QSOX2: variants seen among roughly 807,000 people sequenced by gnomAD.
The protein encoded by QSOX2 is sulfhydryl oxidase 2.
A neutral mutation model predicts 61.7 loss-of-function variants in QSOX2; 46 were observed. That is an observed-to-expected ratio of 0.75 (90% CI 0.59 to 0.95). The LOEUF is 0.95. Among genes scored for constraint, QSOX2 ranks in the 40% least tolerant of loss-of-function variants. QSOX2 has a pLI of 0.00. For missense variants in QSOX2, 879 were observed against 918.9 expected (o/e 0.96, Z 0.56); for synonymous variants, 383 against 388.4 (o/e 0.99, Z 0.16).
At chr9:136,224,930 C>T in intron 2 of QSOX2, 21 bp from the exon 3 acceptor site, 2 of 1,592,820 alleles carry the variant, frequency 1.3e-6, no homozygotes, top group Non-Finnish European at 1.7e-6. Flanking sequence ...AAACACAGAA[C>T]AAGTAAGAGG....
chr9:136,226,907 G>A (rs753481735), intron 1 of QSOX2, 33 bp from the exon 2 acceptor site: 3 of 1,584,722 alleles, frequency 1.9e-6, no homozygotes, highest in Admixed American at 3.3e-5. Flanking sequence ...TCAGTGTGGT[G>A]AGCACTGGAC....
chr9:136,233,456 G>A (rs186996276), intron 1 of QSOX2, among the ~76,000 whole-genome samples: 37 of 152,298 alleles, frequency 2.4e-4, no homozygotes, highest in African/African-American at 8.7e-4. Flanking sequence ...CTCTCAGGAC[G>A]GCCAACACGG....
chr9:136,218,924 C>A, intron 7 of QSOX2, 106 bp downstream of exon 7: 2 of 1,570,218 alleles, frequency 1.3e-6, no homozygotes, highest in Non-Finnish European at 1.7e-6. Context: ...TCCTGAGCGG[C>A]CCTCACTGGC....
intron 1 of QSOX2, among the ~76,000 whole-genome samples, chr9:136,229,514 T>A (rs1378241681): frequency 3.3e-5 from 5 of 151,958 alleles, no homozygotes; most frequent in Admixed American, 3.3e-4. Context: ...ACACTTTTTT[T>A]AAAAAAAAGC....
At position 136,211,259 on chromosome 9, in the gene QSOX2, C is replaced by CT; in HGVS notation, c.1549+4dup. The CT allele has an allele frequency of 3.1e-6, 5 of 1,613,612 alleles. No homozygotes were observed. The highest frequency in any genetic ancestry group is 4.2e-6 in the Non-Finnish European group (5 of 1,179,612). ...CTGAGCCCCCCATGCCCAGGGGCTTCTCACCTGCCAGGCGGCCGTTCACCA... is the reference window on the plus strand; with the variant it reads ...CTGAGCCCCCCATGCCCAGGGGCTTCTTCACCTGCCAGGCGGCCGTTCACCA... On this transcript the variant is annotated splice_donor_region_variant and intron_variant, in intron 11 of 11. Transcript: ENST00000358701.
chr9:136,210,664 T>A, intron 11 of QSOX2: 2 of 985,448 alleles, frequency 2.0e-6, no homozygotes, highest in Non-Finnish European at 2.4e-6. Context: ...GTAATATGTT[T>A]TTCTAACACA....
At chr9:136,214,376 G>A (rs1394807886) in intron 10 of QSOX2, among the ~76,000 whole-genome samples, 4 of 152,214 alleles carry the variant, frequency 2.6e-5, no homozygotes, top group African/African-American at 9.6e-5. Context: ...CGAGTGGCCT[G>A]GGCCTGGGGA....
intron 1 of QSOX2, among the ~76,000 whole-genome samples, chr9:136,236,575 C>T (rs1457968093): frequency 4.0e-5 from 6 of 148,540 alleles, no homozygotes; most frequent in African/African-American, 1.5e-4. Flanking sequence ...ACCCAGCGTG[C>T]GCCCCGAGAC....
At chr9:136,241,696 C>T (rs1271572589) in intron 1 of QSOX2, among the ~76,000 whole-genome samples, 1 of 152,258 alleles carries the variant, frequency 6.6e-6, no homozygotes, top group African/African-American at 2.4e-5. Context: ...TGAGCGCCCC[C>T]GCACTCCTGA....
intron 1 of QSOX2, among the ~76,000 whole-genome samples, chr9:136,236,661 T>C (rs1008624769): frequency 9.2e-5 from 14 of 152,196 alleles, no homozygotes; most frequent in Non-Finnish European, 1.9e-4. Context: ...GGAGTGCACA[T>C]CTGAAGCCCG....
chr9:136,208,560 A>T lies in QSOX2; in HGVS notation c.*168T>A. The T allele has an allele frequency of 1.4e-6, 1 of 713,452 alleles. No homozygotes were observed. Among genetic ancestry groups the T allele is most frequent in the Non-Finnish European group, 2.2e-6 (1 of 455,942 alleles). The allele number at this position is 713,452 out of a possible 1,614,324, so 44.2% of individuals were successfully genotyped here. A position where few individuals can be genotyped will look rare whatever the true frequency, so the allele number is the denominator to read the frequency against. On this transcript the variant is annotated 3_prime_UTR_variant, in exon 12 of 12. Coordinates refer to ENST00000358701, the MANE Select transcript of QSOX2 (RefSeq NM_181701.4). Reference sequence around the variant, plus strand: ...AATTACCCCGTGTTCTTCCCTTGTTAGAAGAGCGTTTGTAAAACCAGGACT... The same window carrying T: ...AATTACCCCGTGTTCTTCCCTTGTTTGAAGAGCGTTTGTAAAACCAGGACT...
intron 1 of QSOX2, among the ~76,000 whole-genome samples, chr9:136,244,967 A>G (rs1588643613): frequency 6.6e-6 from 1 of 152,296 alleles, no homozygotes; most frequent in East Asian, 1.9e-4. Flanking sequence ...CCAGAAAGTT[A>G]ATGATGAAGG....
At position 136,245,783 on chromosome 9, in the gene QSOX2, C is replaced by CGCCGCCCCG; in HGVS notation, c.12_20dup (p.Gly5_Ala7dup). On this transcript the variant is annotated inframe_insertion, in exon 1 of 12. Transcript: ENST00000358701. The stretch of plus-strand genomic sequence containing the variant: ...CTCCGATTCCCGGGCTGCGCGCCAC[C>CGCCGCCCCG]GCCGCCCCGGCCGCCGCCATGTTGG... The CGCCGCCCCG allele has an allele frequency of 8.6e-7, 1 of 1,157,170 alleles. No homozygotes were observed. The highest frequency in any genetic ancestry group is 1.6e-5 in the African/African-American group (1 of 61,802). 71.7% of individuals were successfully genotyped at this position (1,157,170 alleles called of 1,614,324 possible).
chr9:136,220,660 G>A (rs921449164), intron 6 of QSOX2, among the ~76,000 whole-genome samples: 11 of 152,132 alleles, frequency 7.2e-5, no homozygotes, highest in African/African-American at 2.2e-4. Context: ...GAGGAGGAGC[G>A]GGGCCCCTCC....
At chr9:136,228,318 A>G (rs78267024) in intron 1 of QSOX2, among the ~76,000 whole-genome samples, 3,519 of 152,286 alleles carry the variant, frequency 0.023, 84 homozygotes, top group South Asian at 0.11. Context: ...ACCTGCCCTC[A>G]CTGCAACCCA....
chr9:136,218,617 C>A, intron 8 of QSOX2, 62 bp downstream of exon 8: 2 of 1,559,342 alleles, frequency 1.3e-6, no homozygotes, highest in Non-Finnish European at 1.7e-6. Context: ...CGACGCCCCC[C>A]AGGGCCCACT....
chr9:136,224,979 A>C, intron 2 of QSOX2, 70 bp from the exon 3 acceptor site: 1 of 1,134,092 alleles, frequency 8.8e-7, no homozygotes, highest in Non-Finnish European at 1.3e-6. Flanking sequence ...TAAGCAACAA[A>C]ACGCCCGTCA....
intron 1 of QSOX2, among the ~76,000 whole-genome samples, chr9:136,229,383 C>A (rs918018946): frequency 6.6e-6 from 1 of 152,270 alleles, no homozygotes; most frequent in African/African-American, 2.4e-5. Flanking sequence ...CCTCCACAGC[C>A]CCGGCTCCTC....
In QSOX2 at chr9:136,245,762, G is replaced by C; in HGVS notation, c.42C>G (p.Ile14Met). ...AGAAVARSPG[I>M]GAGPALRARR... Reference sequence around the variant, plus strand: ...GGGCTCTCAGCGCAGGTCCCGCTCCGATTCCCGGGCTGCGCGCCACCGCCG... The same window carrying C: ...GGGCTCTCAGCGCAGGTCCCGCTCCCATTCCCGGGCTGCGCGCCACCGCCG... Residue 14 changes from isoleucine to methionine, a missense_variant, in exon 1 of 12, where the codon ATC (isoleucine) becomes ATG (methionine). Ile to Met is a conservative substitution (Grantham distance 10). Transcript: ENST00000358701. The C allele has an allele frequency of 8.7e-7, 1 of 1,154,398 alleles. No homozygotes were observed. The highest frequency in any genetic ancestry group is 3.9e-5 in the East Asian group (1 of 25,604). 71.5% of individuals were successfully genotyped at this position (1,154,398 alleles called of 1,614,324 possible).
Sources: gnomAD v4.1 joint callset for allele counts (sites outside exome capture counted in the v4.1 genomes callset) on GRCh38, gnomAD v4.1.1 for gene constraint, MANE v1.5 for transcripts, NCBI Gene and HGNC (gene_info 2026-07-23, HGNC 2026-07-21) for gene names.